KCNK17: variants seen among roughly 807,000 people sequenced by gnomAD.
The protein encoded by KCNK17 is potassium channel subfamily K member 17.
KCNK17 carries 27 observed loss-of-function variants against 24.6 expected under a neutral mutation model. The ratio of observed to expected loss-of-function variants is 1.10; its 90% CI spans 0.81 to 1.51. The LOEUF (loss-of-function observed/expected upper bound fraction) is 1.51. KCNK17 is among the 40% of genes most tolerant of loss of function. The probability of loss-of-function intolerance (pLI) is 0.00; values close to 1 mark genes in which losing one functional copy is unlikely to be tolerated. For missense variants in KCNK17, 450 were observed against 436.6 expected (o/e 1.03, Z -0.27); for synonymous variants, 181 against 189.8 (o/e 0.95, Z 0.38).
rs540632231 is a variant in KCNK17 at position 39,312,879 on chromosome 6, C to T, written c.237+1205G>A. On this transcript the variant is annotated intron_variant, in intron 1 of 4. Coordinates refer to ENST00000373231, the MANE Select transcript of KCNK17 (RefSeq NM_031460.4). ...GGGAGCTGGAGGAATCACTTTAGGT[C>T]CTTAGTAGAGATAGGCCTGGCCCTG... Among the ~76,000 whole-genome samples the T allele has an allele frequency of 7.2e-5, 11 of 152,260 alleles. No homozygotes were observed. The South Asian group carries it at 1.5e-3, about 20-fold the overall frequency.
At chr6:39,302,124 C>T (rs1583764315) in intron 4 of KCNK17, among the ~76,000 whole-genome samples, 1 of 152,138 alleles carries the variant, frequency 6.6e-6, no homozygotes, top group South Asian at 2.1e-4. Context: ...TGGTGACCTG[C>T]TACGAGGCAC....
At chr6:39,308,292 G>A (rs1762069925) in intron 2 of KCNK17, among the ~76,000 whole-genome samples, 1 of 152,170 alleles carries the variant, frequency 6.6e-6, no homozygotes. Context: ...ATGTGTGTAT[G>A]TATGTACTTA....
At chr6:39,312,538 C>G (rs1762157362) in intron 1 of KCNK17, among the ~76,000 whole-genome samples, 3 of 152,170 alleles carry the variant, frequency 2.0e-5, no homozygotes. Context: ...TGTAACCTCT[C>G]TGAGCCTGTT....
intron 4 of KCNK17, 49 bp downstream of exon 4, chr6:39,303,908 G>C: frequency 6.3e-7 from 1 of 1,591,588 alleles, no homozygotes; most frequent in African/African-American, 1.3e-5. Context: ...TGAGTGAGAG[G>C]TATAGGCAGC....
Position 39,299,113 on chromosome 6 carries a change from T to C in KCNK17, c.*314A>G. On this transcript the variant is annotated 3_prime_UTR_variant, in exon 5 of 5. Coordinates refer to ENST00000373231, the MANE Select transcript of KCNK17 (RefSeq NM_031460.4). ...GAGATCCAGACTCTTCCTATCTTATTGTGCCGCTCAAACATTGCCGCTACT... is the reference window on the plus strand; with the variant it reads ...GAGATCCAGACTCTTCCTATCTTATCGTGCCGCTCAAACATTGCCGCTACT... 1 of 365,152 alleles carries C rather than the reference T, an allele frequency of 2.7e-6. No individual in the cohort carries two copies. Among genetic ancestry groups the C allele is most frequent in the Non-Finnish European group, 5.0e-6 (1 of 200,624 alleles). The allele number at this position is 365,152 out of a possible 1,614,324, so 22.6% of individuals were successfully genotyped here. A position where few individuals can be genotyped will look rare whatever the true frequency, so the allele number is the denominator to read the frequency against.
intron 1 of KCNK17, among the ~76,000 whole-genome samples, chr6:39,313,851 C>G (rs914472075): frequency 3.9e-5 from 6 of 152,228 alleles, no homozygotes; most frequent in Admixed American, 6.5e-5. Flanking sequence ...CTCAGCCCGG[C>G]TTCTCGCAGT....
intron 2 of KCNK17, among the ~76,000 whole-genome samples, chr6:39,308,278 A>G (rs1394596102): frequency 6.6e-6 from 1 of 152,146 alleles, no homozygotes; most frequent in Non-Finnish European, 1.5e-5. Flanking sequence ...ACACCAAGGT[A>G]TGTATGTGTG....
At chr6:39,301,787 A>C (rs1288153611) in intron 4 of KCNK17, among the ~76,000 whole-genome samples, 1 of 152,178 alleles carries the variant, frequency 6.6e-6, no homozygotes, top group Non-Finnish European at 1.5e-5. Flanking sequence ...CAGGCAGAGG[A>C]GTGGCTGTGA....
chr6:39,310,868 C>T (rs974215619), intron 2 of KCNK17, 25 bp downstream of exon 2: 6 of 785,904 alleles, frequency 7.6e-6, no homozygotes, highest in Admixed American at 4.3e-5. Context: ...CCACCCCCAT[C>T]CCCCTGGCCC....
At chr6:39,303,838 T>C in intron 4 of KCNK17, 119 bp downstream of exon 4, 4 of 1,138,738 alleles carry the variant, frequency 3.5e-6, no homozygotes, top group Non-Finnish European at 5.1e-6. Flanking sequence ...TCTCCGGATT[T>C]TGGGCCCAAA....
At chr6:39,303,442 G>C (rs1465034058) in intron 4 of KCNK17, among the ~76,000 whole-genome samples, 1 of 152,228 alleles carries the variant, frequency 6.6e-6, no homozygotes, top group African/African-American at 2.4e-5. Context: ...GTTGGGTTGT[G>C]CCACTGATTA....
intron 2 of KCNK17, among the ~76,000 whole-genome samples, chr6:39,310,674 A>G (rs760991260): frequency 1.3e-5 from 2 of 152,150 alleles, no homozygotes; most frequent in East Asian, 1.9e-4. Flanking sequence ...AACAGTGCAC[A>G]TGAATCCCCT....
intron 1 of KCNK17, among the ~76,000 whole-genome samples, chr6:39,313,270 T>C (rs1288139678): frequency 6.6e-6 from 1 of 152,232 alleles, no homozygotes; most frequent in Admixed American, 6.5e-5. Context: ...GAGGAGCCTC[T>C]GCTCAGATTT....
At chr6:39,307,795 C>T (rs1337995074) in intron 2 of KCNK17, among the ~76,000 whole-genome samples, 1 of 152,152 alleles carries the variant, frequency 6.6e-6, no homozygotes, top group Non-Finnish European at 1.5e-5. Flanking sequence ...TGCAAGAACC[C>T]TACAAGTCTA....
Position 39,303,973 on chromosome 6 carries a change from G to A in KCNK17, c.672C>T (p.Phe224=), listed in dbSNP as rs533411945. The A allele has an allele frequency of 8.1e-6, 13 of 1,612,932 alleles. 2 individuals carry two copies. The South Asian group carries it at 9.9e-5, about 12-fold the overall frequency. ...FAFITLSTVG[F]GDYVIGMNPS... ...AACTCTCACCAATCACGTAGTCGCC[G>A]AAGCCCACGGTGCTGAGGGTGATGA... The change falls in exon 4 of 5, where the codon TTC becomes TTT. Residue 224 remains phenylalanine, a synonymous_variant. Coordinates refer to ENST00000373231, the MANE Select transcript of KCNK17 (RefSeq NM_031460.4).
At chr6:39,306,766 GTTTT>G (rs34588404) in intron 2 of KCNK17, among the ~76,000 whole-genome samples, 2 of 130,518 alleles carry the variant, frequency 1.5e-5, no homozygotes, top group Admixed American at 7.8e-5. Context: ...TTCTTTCTTT[GTTTT>G]TTTTTTTTTT....
chr6:39,304,334 CT>C, intron 3 of KCNK17, 160 bp downstream of exon 3: 3 of 793,692 alleles, frequency 3.8e-6, no homozygotes, highest in Non-Finnish European at 6.0e-6. Flanking sequence ...CATTAATGCC[CT>C]TTTTCACTAA....
intron 4 of KCNK17, among the ~76,000 whole-genome samples, chr6:39,302,107 C>G (rs1432121528): frequency 6.6e-6 from 1 of 152,200 alleles, no homozygotes; most frequent in Non-Finnish European, 1.5e-5. Flanking sequence ...AGTTGGGGCT[C>G]TTATTGTGGT....
At chr6:39,312,877 G>A (rs572001060) in intron 1 of KCNK17, among the ~76,000 whole-genome samples, 177 of 152,256 alleles carry the variant, frequency 1.2e-3, no homozygotes, top group Admixed American at 2.2e-3. Flanking sequence ...ATCACTTTAG[G>A]TCCTTAGTAG....
Sources: allele counts gnomAD v4.1 joint callset (sites outside exome capture counted in the v4.1 genomes callset), GRCh38; gene constraint gnomAD v4.1.1; transcripts MANE v1.5; gene names NCBI Gene and HGNC (gene_info 2026-07-23, HGNC 2026-07-21).